Variants in DLG1 observed in about 807,000 individuals in gnomAD.
DLG1 encodes the protein disks large homolog 1.
DLG1 carries 42 observed loss-of-function variants against 123.4 expected under a neutral mutation model. The observed-to-expected ratio is 0.34, with a 90% CI of 0.27 to 0.44. The LOEUF (loss-of-function observed/expected upper bound fraction) is 0.44, where lower values mean the gene tolerates loss of function less well. DLG1 is among the 20% of genes least tolerant of loss of function. The pLI, the probability that DLG1 is intolerant of heterozygous loss-of-function variation, is 1.00. For synonymous variants in DLG1, 317 were observed against 356.2 expected (o/e 0.89, Z 1.24); for missense variants, 942 against 1,082.6 (o/e 0.87, Z 1.82).
intron 4 of DLG1, among the ~76,000 whole-genome samples, chr3:197,214,134 G>A (rs748777754): frequency 2.2e-4 from 34 of 152,038 alleles, no homozygotes; most frequent in Non-Finnish European, 4.3e-4. Flanking sequence ...TGAATAAACA[G>A]TATTTGGTAA....
At position 197,069,232 on chromosome 3, in the gene DLG1, A is replaced by C. The variant is rs1741859427; in HGVS notation, c.2034T>G (p.Ser678Arg). 6.3e-7 allele frequency: 1 copy of C among 1,591,442 alleles called. No homozygotes were observed. Among genetic ancestry groups the C allele is most frequent in the Admixed American group, 1.7e-5 (1 of 57,446 alleles). The change falls in exon 19 of 25, where the codon AGT becomes AGG. Residue 678 changes from serine to arginine, a missense_variant. Ser to Arg is a moderately radical substitution (Grantham distance 110, BLOSUM62 -1). Transcript: ENST00000667157. Reference sequence around the variant, plus strand: ...TAAAACACTTACGGTAACTACTTTCACTATCGCTGGCATTAGAAGTTACAT... The same window carrying C: ...TAAAACACTTACGGTAACTACTTTCCCTATCGCTGGCATTAGAAGTTACAT... Reference protein sequence around the residue: ...DQHVTSNASDSESSYRGQEEY... With the variant: ...DQHVTSNASDRESSYRGQEEY...
chr3:197,089,441 C>G (rs1313425915), intron 15 of DLG1, among the ~76,000 whole-genome samples: 3 of 151,708 alleles, frequency 2.0e-5, no homozygotes, highest in African/African-American at 7.3e-5. Flanking sequence ...GCGGAAGGAT[C>G]CCTTGAACCC....
intron 5 of DLG1, among the ~76,000 whole-genome samples, chr3:197,170,053 C>G (rs1803381050): frequency 6.6e-6 from 1 of 152,124 alleles, no homozygotes; most frequent in South Asian, 2.1e-4. Flanking sequence ...ACGATGACGC[C>G]CTCCAGCTCC....
intron 14 of DLG1, among the ~76,000 whole-genome samples, chr3:197,100,435 A>T (rs1385826208): frequency 6.6e-6 from 1 of 152,208 alleles, no homozygotes; most frequent in Non-Finnish European, 1.5e-5. Context: ...CGAAAATAAA[A>T]TATGTCACAA....
intron 3 of DLG1, among the ~76,000 whole-genome samples, chr3:197,283,869 T>A (rs1770547608): frequency 6.7e-6 from 1 of 149,476 alleles, no homozygotes; most frequent in South Asian, 2.2e-4. Flanking sequence ...GTTTTTTTTT[T>A]TTTTTTTTTT....
chr3:197,296,310 T>G (rs1777335728), intron 3 of DLG1, 36 bp downstream of exon 3: 7 of 1,594,336 alleles, frequency 4.4e-6, no homozygotes, highest in Non-Finnish European at 6.0e-6. Flanking sequence ...GCATAAAGCC[T>G]AGCTGGCATA....
At chr3:197,279,148 C>T (rs755016364) in intron 4 of DLG1, among the ~76,000 whole-genome samples, 12 of 152,166 alleles carry the variant, frequency 7.9e-5, no homozygotes, top group Non-Finnish European at 1.5e-5. Flanking sequence ...ATCACTTAGC[C>T]AAGTTTTCCA....
At chr3:197,297,353 C>A in intron 1 of DLG1, 118 bp from the exon 2 acceptor site, 3 of 1,486,026 alleles carry the variant, frequency 2.0e-6, no homozygotes, top group South Asian at 1.3e-5. Context: ...AAAGTTTTAC[C>A]AAGTCAAAGA....
chr3:197,125,924 GGGTGAC>G (rs1479147046), intron 11 of DLG1, among the ~76,000 whole-genome samples: 1 of 152,180 alleles, frequency 6.6e-6, no homozygotes, highest in African/African-American at 2.4e-5. Context: ...CCTGACAGCA[GGGTGAC>G]TGTGCAGGCT....
chr3:197,206,070 C>T (rs1026987631), intron 4 of DLG1, among the ~76,000 whole-genome samples: 3 of 152,232 alleles, frequency 2.0e-5, no homozygotes, highest in East Asian at 3.9e-4. Context: ...TTTCCTTTTG[C>T]CATGTATTCA....
chr3:197,115,802 G>T, intron 13 of DLG1, 125 bp downstream of exon 13: 1 of 930,530 alleles, frequency 1.1e-6, no homozygotes, highest in South Asian at 1.7e-5. Context: ...CAATTAAGCT[G>T]TAAAATGTTA....
chr3:197,249,100 TAATA>T (rs1047139930), intron 4 of DLG1, among the ~76,000 whole-genome samples: 15 of 152,080 alleles, frequency 9.9e-5, no homozygotes, highest in South Asian at 8.3e-4. Context: ...ATCATAGCAG[TAATA>T]AATAAAATTG....
chr3:197,058,293 T>C (rs1733287296), intron 23 of DLG1, among the ~76,000 whole-genome samples: 1 of 152,216 alleles, frequency 6.6e-6, no homozygotes, highest in Non-Finnish European at 1.5e-5. Flanking sequence ...TTTTTCAGTT[T>C]CTCAAAATCT....
At position 197,166,844 on chromosome 3, in the gene DLG1, A is replaced by C. The variant is rs142836810; in HGVS notation, c.484-17048T>G. Among the ~76,000 whole-genome samples the C allele has an allele frequency of 9.9e-3, 1,502 of 151,972 alleles. 19 individuals carry two copies. The highest frequency in any genetic ancestry group is 0.024 in the African/African-American group (980 of 41,414). Reference sequence around the variant, plus strand: ...GAGGCAGAGGTTGCAGTGAGCCAAGATCACGCCATTCCACTCCGGCCTGGG... The same window carrying C: ...GAGGCAGAGGTTGCAGTGAGCCAAGCTCACGCCATTCCACTCCGGCCTGGG... On this transcript the variant is annotated intron_variant, in intron 5 of 24. Coordinates refer to ENST00000667157, the MANE Select transcript of DLG1 (RefSeq NM_001366207.1).
intron 5 of DLG1, among the ~76,000 whole-genome samples, chr3:197,161,087 G>A (rs1296401218): frequency 6.6e-6 from 1 of 152,062 alleles, no homozygotes; most frequent in African/African-American, 2.4e-5. Flanking sequence ...TTTTTTAAAA[G>A]TAAAATTTTA....
intron 5 of DLG1, among the ~76,000 whole-genome samples, chr3:197,191,453 G>C (rs1719505537): frequency 6.6e-6 from 1 of 152,198 alleles, no homozygotes; most frequent in South Asian, 2.1e-4. Context: ...ATGTCTGCTT[G>C]TGTCATAATC....
chr3:197,134,989 G>A (rs1191371086), intron 10 of DLG1, among the ~76,000 whole-genome samples: 3 of 152,160 alleles, frequency 2.0e-5, no homozygotes, highest in East Asian at 1.9e-4. Flanking sequence ...TATGATGCCC[G>A]GATGGTTTTT....
rs1720907789 is a variant in DLG1, at chr3:197,042,569, C to G, written c.*2054G>C. 6.6e-6 allele frequency: 1 copy of G among 152,150 alleles called. No homozygotes were observed. The highest frequency in any genetic ancestry group is 2.4e-5 in the African/African-American group (1 of 41,426). 9.4% of individuals were successfully genotyped at this position (152,150 alleles called of 1,614,324 possible). A position where few individuals can be genotyped will look rare whatever the true frequency, so the allele number is the denominator to read the frequency against. On this transcript the variant is annotated 3_prime_UTR_variant, in exon 25 of 25. Coordinates refer to ENST00000667157, the MANE Select transcript of DLG1 (RefSeq NM_001366207.1). ...TCACTTAACAAGGACATCCAGAAAACAATGTTATGTAAATTTTAATATATA... is the reference window on the plus strand; with the variant it reads ...TCACTTAACAAGGACATCCAGAAAAGAATGTTATGTAAATTTTAATATATA...
intron 15 of DLG1, among the ~76,000 whole-genome samples, chr3:197,089,465 T>C (rs1479845187): frequency 3.3e-5 from 5 of 150,642 alleles, no homozygotes; most frequent in Non-Finnish European, 7.4e-5. Flanking sequence ...AGGTTGAGGC[T>C]ACAGTGAGCT....
Sources: allele counts gnomAD v4.1 joint callset (sites outside exome capture counted in the v4.1 genomes callset), GRCh38; gene constraint gnomAD v4.1.1; transcripts MANE v1.5; gene names NCBI Gene and HGNC (gene_info 2026-07-23, HGNC 2026-07-21).